Variants in P2RY8 observed in about 807,000 individuals in gnomAD.
P2RY8 encodes P2Y receptor family member 8, also known as S-geranylgeranyl-glutathione receptor P2RY8.
P2RY8 carries 6 observed loss-of-function variants against 10.0 expected under a neutral mutation model. The ratio of observed to expected loss-of-function variants is 0.60; its 90% CI spans 0.33 to 1.19. P2RY8 has a LOEUF of 1.19. Among genes scored for constraint, P2RY8 ranks in the 50% most tolerant of loss-of-function variants. The pLI, the probability that P2RY8 is intolerant of heterozygous loss-of-function variation, is 0.04. For synonymous variants in P2RY8, 276 were observed against 252.5 expected (o/e 1.09, Z -0.88); for missense variants, 456 against 542.0 (o/e 0.84, Z 1.58).
chrX:1,467,167 C>G (rs1404260459), intron 1 of P2RY8, among the ~76,000 whole-genome samples: 35 of 152,212 alleles, frequency 2.3e-4, no homozygotes, highest in African/African-American at 4.1e-4. Flanking sequence ...CATCCACCCA[C>G]AAAGTGTCTA....
At chrX:1,513,615 G>A (rs149489745) in intron 1 of P2RY8, among the ~76,000 whole-genome samples, 1,722 of 151,030 alleles carry the variant, frequency 0.011, 38 homozygotes, top group African/African-American at 0.04. Context: ...CAATCTCAAG[G>A]TCCTTAACTT....
intron 1 of P2RY8, among the ~76,000 whole-genome samples, chrX:1,510,766 C>T (rs1448593825): frequency 1.3e-5 from 2 of 152,122 alleles, no homozygotes; most frequent in African/African-American, 4.8e-5. Context: ...GTAATCCAAG[C>T]TACTCAGTAG....
chrX:1,526,282 T>C (rs1371093024), intron 1 of P2RY8, among the ~76,000 whole-genome samples: 3 of 151,146 alleles, frequency 2.0e-5, no homozygotes, highest in South Asian at 4.2e-4. Context: ...CATCCATTCA[T>C]TCACTCATTC....
At chrX:1,509,358 TCCA>T in intron 1 of P2RY8, among the ~76,000 whole-genome samples, 3 of 150,102 alleles carry the variant, frequency 2.0e-5, no homozygotes, top group Non-Finnish European at 4.4e-5. Context: ...CATCCATCCA[TCCA>T]TCCATCCATC....
intron 1 of P2RY8, among the ~76,000 whole-genome samples, chrX:1,491,960 G>C (rs775230826): frequency 4.0e-4 from 61 of 152,298 alleles, no homozygotes; most frequent in South Asian, 1.2e-3. Context: ...AAGGCGGCAG[G>C]GGCAGTGTGG....
intron 1 of P2RY8, among the ~76,000 whole-genome samples, chrX:1,522,630 C>T (rs1210515922): frequency 1.3e-5 from 2 of 151,994 alleles, no homozygotes; most frequent in African/African-American, 2.4e-5. Flanking sequence ...TTTCATTAGC[C>T]GGGCGTGGTC....
In P2RY8 at chrX:1,514,551, T is replaced by TTTCCTCCCCTCC. The variant is rs2092324919; in HGVS notation, c.-25+22369_-25+22370insGGAGGGGAGGAA. On this transcript the variant is annotated intron_variant, in intron 1 of 1. Transcript: ENST00000381297. ...CCTTCCCTTCCCTTCCTTTCCCTTC[T>TTTCCTCCCCTCC]CTTCCCTTCCCTTCCCTCCCTTCCC... Among the ~76,000 whole-genome samples the TTTCCTCCCCTCC allele has an allele frequency of 1.9e-3, 9 of 4,830 alleles. 4 individuals are homozygous for TTTCCTCCCCTCC. The highest frequency in any genetic ancestry group is 6.9e-3 in the African/African-American group (7 of 1,018). The allele number at this position is 4,830 out of a possible 152,430, so 3.2% of individuals were successfully genotyped here.
chrX:1,503,774 A>T (rs2149399038), intron 1 of P2RY8, among the ~76,000 whole-genome samples: 1 of 152,252 alleles, frequency 6.6e-6, no homozygotes, highest in South Asian at 2.1e-4. Context: ...AGGCACCTGT[A>T]GTCCCAGCTA....
intron 1 of P2RY8, among the ~76,000 whole-genome samples, chrX:1,493,424 G>A (rs868049627): frequency 0.045 from 874 of 19,628 alleles, 57 homozygotes; most frequent in Non-Finnish European, 0.11. Flanking sequence ...GAAGGAGGAA[G>A]GAGGAGGGAG....
In P2RY8 at chrX:1,512,331, G is replaced by A. The variant is rs759905118; in HGVS notation, c.-25+24590C>T. The stretch of plus-strand genomic sequence containing the variant: ...GGAGGCCGAGGTGGGTGGATCACCT[G>A]AGGTCAGGCGTTTGAGACCATCCTG... On this transcript the variant is annotated intron_variant, in intron 1 of 1. Coordinates refer to ENST00000381297, the MANE Select transcript of P2RY8 (RefSeq NM_178129.5). 8.5e-5 allele frequency among the ~76,000 whole-genome samples: 13 copies of A among 152,154 alleles called. 1 individual carries two copies. The South Asian group carries it at 2.7e-3, about 32-fold the overall frequency.
At chrX:1,487,846 C>G (rs1433414783) in intron 1 of P2RY8, among the ~76,000 whole-genome samples, 1 of 152,170 alleles carries the variant, frequency 6.6e-6, no homozygotes, top group Non-Finnish European at 1.5e-5. Flanking sequence ...CGCGGTGGCT[C>G]ACGCCTGTCA....
chrX:1,523,364 G>A (rs5989789), intron 1 of P2RY8, among the ~76,000 whole-genome samples: 42,969 of 151,716 alleles, frequency 0.28, 6,825 homozygotes, highest in Middle Eastern at 0.46. Flanking sequence ...GTACCTAATC[G>A]TCTCCTTGGT....
chrX:1,533,237 TA>T (rs1259916096), intron 1 of P2RY8, among the ~76,000 whole-genome samples: 3 of 150,044 alleles, frequency 2.0e-5, no homozygotes, highest in Non-Finnish European at 3.0e-5. Context: ...CCTATGGAAG[TA>T]AAAAGTGTAA....
chrX:1,497,013 G>A (rs1424486358), intron 1 of P2RY8, among the ~76,000 whole-genome samples: 2 of 150,124 alleles, frequency 1.3e-5, no homozygotes, highest in East Asian at 4.0e-4. Context: ...GAGATCAGGA[G>A]TTCGAGACCA....
chrX:1,475,779 AG>A (rs1434383616), intron 1 of P2RY8, among the ~76,000 whole-genome samples: 2 of 152,194 alleles, frequency 1.3e-5, no homozygotes, highest in African/African-American at 4.8e-5. Context: ...GGCACTGCAA[AG>A]CAATAACAAC....
At chrX:1,527,380 C>T (rs73186961) in intron 1 of P2RY8, among the ~76,000 whole-genome samples, 1 of 151,506 alleles carries the variant, frequency 6.6e-6, no homozygotes, top group Non-Finnish European at 1.5e-5. Context: ...TTCATTTGCC[C>T]ATTCATTTAT....
chrX:1,465,778 T>C lies in P2RY8; in HGVS notation c.781A>G (p.Ile261Val). The C allele has an allele frequency of 6.2e-7, 1 of 1,613,512 alleles. No homozygotes were observed. The highest frequency in any genetic ancestry group is 8.5e-7 in the Non-Finnish European group (1 of 1,179,834). Residue 261 changes from isoleucine to valine, a missense_variant, in exon 2 of 2, where the codon ATC (isoleucine) becomes GTC (valine). By Grantham distance (29) the Ile-to-Val change is conservative (BLOSUM62 3). Transcript: ENST00000381297. ...APNNFVLLAH[I>V]VSRLFYGKSY... Reference sequence around the variant, plus strand: ...TTGCCGTAGAACAGGCGGCTCACGATGTGCGCCAGGAGCACGAAGTTGTTG... The same window carrying C: ...TTGCCGTAGAACAGGCGGCTCACGACGTGCGCCAGGAGCACGAAGTTGTTG...
At chrX:1,499,163 C>CTT (rs1163119480) in intron 1 of P2RY8, among the ~76,000 whole-genome samples, 6,439 of 48,084 alleles carry the variant, frequency 0.13, 260 homozygotes, top group Non-Finnish European at 0.25. Context: ...TTTTTCTTTT[C>CTT]TTTTTTTTTT....
intron 1 of P2RY8, among the ~76,000 whole-genome samples, chrX:1,525,346 G>T (rs773845380): frequency 6.6e-6 from 1 of 152,140 alleles, no homozygotes; most frequent in African/African-American, 2.4e-5. Flanking sequence ...TTTGGGTGGG[G>T]ACTTAATCCT....
Sources: allele counts gnomAD v4.1 joint callset (sites outside exome capture counted in the v4.1 genomes callset), GRCh38; gene constraint gnomAD v4.1.1; transcripts MANE v1.5; gene names NCBI Gene and HGNC (gene_info 2026-07-23, HGNC 2026-07-21).